Variants in B4GALNT3 observed in about 807,000 individuals in gnomAD.
The protein encoded by B4GALNT3 is beta-1,4-N-acetyl-galactosaminyltransferase 3.
In B4GALNT3, 86 loss-of-function variants were observed where a neutral mutation model predicts 120.2. The observed-to-expected ratio is 0.72, with a 90% CI of 0.60 to 0.86. B4GALNT3 has a LOEUF of 0.86. Among genes scored for constraint, B4GALNT3 ranks in the 40% least tolerant of loss-of-function variants. The pLI is 0.00. For synonymous variants in B4GALNT3, 518 were observed against 510.4 expected (o/e 1.01, Z -0.20); for missense variants, 1,167 against 1,298.9 (o/e 0.90, Z 1.56).
At position 557,603 on chromosome 12, in the gene B4GALNT3, G is replaced by A. The variant is rs756610418; in HGVS notation, c.2381-5G>A. ...TTCCTTCTCCTGCCTGACCCCCTGG[G>A]GTAGTGAAGAACCAGGCACGCTGGG... On this transcript the variant is annotated splice_region_variant and splice_polypyrimidine_tract_variant and intron_variant, in intron 15 of 19. Transcript: ENST00000266383. 6.2e-7 allele frequency: 1 copy of A among 1,607,890 alleles called. No individual in the cohort carries two copies. Among genetic ancestry groups the A allele is most frequent in the Non-Finnish European group, 8.5e-7 (1 of 1,177,930 alleles).
At chr12:484,865 G>C (rs1477746691) in intron 1 of B4GALNT3, among the ~76,000 whole-genome samples, 4 of 151,942 alleles carry the variant, frequency 2.6e-5, no homozygotes, top group Non-Finnish European at 5.9e-5. Context: ...AATGGTCCCA[G>C]ACCTTTCCAG....
In B4GALNT3 at chr12:548,307, C is replaced by G; in HGVS notation, c.853+10C>G. 1 of 1,613,142 alleles carries G rather than the reference C, an allele frequency of 6.2e-7. No homozygotes were observed. Among genetic ancestry groups the G allele is most frequent in the Non-Finnish European group, 8.5e-7 (1 of 1,179,092 alleles). On this transcript the variant is annotated intron_variant, in intron 9 of 19. Coordinates refer to ENST00000266383, the MANE Select transcript of B4GALNT3 (RefSeq NM_173593.4). This position sits in a 1 kb window ranked among gnomAD's most constrained non-coding sequence, Gnocchi z 4.9. ...CTGTCCCTCTTCACAAGTGAGTAGG[C>G]TCTGGCCCTGCCCTGGAGATGGAGG... is the stretch of plus-strand genomic sequence containing the variant.
Position 546,639 on chromosome 12 carries a change from C to G in B4GALNT3, c.640-7C>G. 6.4e-7 allele frequency: 1 copy of G among 1,551,300 alleles called. No individual in the cohort carries two copies. Among genetic ancestry groups the G allele is most frequent in the Non-Finnish European group, 8.7e-7 (1 of 1,146,618 alleles). ...CCTCCCTCCTCTTCTCTCTTCCACA[C>G]CTCTAGACTGGAAAGGAGTGGACCG... On this transcript the variant is annotated splice_polypyrimidine_tract_variant and splice_region_variant and intron_variant, in intron 6 of 19. Coordinates refer to ENST00000266383, the MANE Select transcript of B4GALNT3 (RefSeq NM_173593.4).
chr12:559,989 A>G (rs572865333), intron 19 of B4GALNT3, among the ~76,000 whole-genome samples: 2 of 152,318 alleles, frequency 1.3e-5, no homozygotes, highest in South Asian at 4.1e-4. Flanking sequence ...GCCTCAGAGA[A>G]GAACACAGTA....
At chr12:528,667 G>C (rs1946779434) in intron 1 of B4GALNT3, among the ~76,000 whole-genome samples, 1 of 152,134 alleles carries the variant, frequency 6.6e-6, no homozygotes, top group Non-Finnish European at 1.5e-5. Context: ...TGCCACTTCA[G>C]GTTTCTGGCG....
rs376526732 is a variant in B4GALNT3 at position 558,704 on chromosome 12, A to T, written c.2761+43A>T. On this transcript the variant is annotated intron_variant, in intron 18 of 19. Coordinates refer to ENST00000266383, the MANE Select transcript of B4GALNT3 (RefSeq NM_173593.4). ...TGGGGAGGGAGGAAAGACTTCTCTG[A>T]TCTTGGCTCTTAACTCCAGAGCTGG... 25 of 1,599,268 alleles carry T rather than the reference A, an allele frequency of 1.6e-5. No homozygotes were observed. In the African/African-American group the frequency reaches 2.5e-4, roughly 16 times the overall value.
At chr12:518,603 T>A (rs1441887459) in intron 1 of B4GALNT3, among the ~76,000 whole-genome samples, 1 of 152,120 alleles carries the variant, frequency 6.6e-6, no homozygotes, top group Non-Finnish European at 1.5e-5. Flanking sequence ...TCTGTTGTGT[T>A]GCTCAGCCTG....
chr12:549,281 C>A (rs1947046974), intron 9 of B4GALNT3, among the ~76,000 whole-genome samples: 1 of 152,150 alleles, frequency 6.6e-6, no homozygotes, highest in Admixed American at 6.5e-5. Context: ...GGCCACCCGT[C>A]TGTTGTATGA....
At chr12:461,862 C>T (rs71447489) in intron 1 of B4GALNT3, among the ~76,000 whole-genome samples, 82 of 151,620 alleles carry the variant, frequency 5.4e-4, no homozygotes, top group Non-Finnish European at 4.3e-4. Flanking sequence ...CACTAACTAG[C>T]GGGGGAATCA....
chr12:534,829 C>T lies in B4GALNT3; in HGVS notation c.170-337C>T, dbSNP rs546449771. 9.6e-4 allele frequency among the ~76,000 whole-genome samples: 147 copies of T among 152,338 alleles called. 4 individuals carry two copies. In the South Asian group the frequency reaches 0.028, roughly 29 times the overall value. ...ACCGCCTGTCACGACCATCTCTCCA[C>T]GGCAGCTCTCGGGATAAATTGGCCT... On this transcript the variant is annotated intron_variant, in intron 1 of 19. Transcript: ENST00000266383.
chr12:556,437 G>A (rs1172547721), intron 14 of B4GALNT3, 110 bp from the exon 15 acceptor site: 1 of 1,111,908 alleles, frequency 9.0e-7, no homozygotes, highest in Non-Finnish European at 1.3e-6. Flanking sequence ...GGCAAAGCTA[G>A]GACAAAAACC....
chr12:511,836 TCTTCCAC>T (rs1430734403), intron 1 of B4GALNT3, among the ~76,000 whole-genome samples: 9 of 48,876 alleles, frequency 1.8e-4, no homozygotes, highest in African/African-American at 3.7e-4. Flanking sequence ...CCTTCCACCT[TCTTCCAC>T]CTTCCACCTT....
intron 1 of B4GALNT3, among the ~76,000 whole-genome samples, chr12:534,330 C>T (rs1046410161): frequency 6.6e-6 from 1 of 152,122 alleles, no homozygotes; most frequent in Non-Finnish European, 1.5e-5. Flanking sequence ...ATCCAAAGCC[C>T]AGCAATCTCC....
intron 1 of B4GALNT3, among the ~76,000 whole-genome samples, chr12:511,604 CCTTCGACCTT>C: frequency 7.5e-6 from 1 of 132,768 alleles, no homozygotes; most frequent in Non-Finnish European, 1.7e-5. Flanking sequence ...CCGCCTTCCA[CCTTCGACCTT>C]CTTCCACCTT....
Position 556,956 on chromosome 12 carries a change from A to G in B4GALNT3, c.2380+90A>G, listed in dbSNP as rs1014670868. On this transcript the variant is annotated intron_variant, in intron 15 of 19. Transcript: ENST00000266383. ...CATCTGCTTGCACTGATTTGATCCC[A>G]TAAGCACTTCTGAGAAAGACCACCT... 4.4e-6 allele frequency: 6 copies of G among 1,356,480 alleles called. No individual in the cohort carries two copies. In the Admixed American group the frequency reaches 7.3e-5, roughly 17 times the overall value. 84.0% of individuals were successfully genotyped at this position (1,356,480 alleles called of 1,614,324 possible).
chr12:519,745 C>T (rs1335603795), intron 1 of B4GALNT3, among the ~76,000 whole-genome samples: 2 of 152,050 alleles, frequency 1.3e-5, no homozygotes, highest in South Asian at 2.1e-4. Context: ...CTCTTTCAGC[C>T]GAATCAGGGA....
chr12:552,215 G>C, intron 12 of B4GALNT3, 52 bp downstream of exon 12: 1 of 1,478,600 alleles, frequency 6.8e-7, no homozygotes, highest in Non-Finnish European at 9.5e-7. Context: ...GGCTCTGCGG[G>C]AGCCAGGAGA....
At chr12:535,331 G>A in intron 2 of B4GALNT3, 62 bp downstream of exon 2, 4 of 1,425,826 alleles carry the variant, frequency 2.8e-6, no homozygotes, top group South Asian at 1.2e-5. Context: ...CAGGTGCTCT[G>A]CCCAGTTGCC....
intron 1 of B4GALNT3, among the ~76,000 whole-genome samples, chr12:485,418 T>C (rs1448313114): frequency 1.3e-5 from 2 of 152,254 alleles, no homozygotes; most frequent in Non-Finnish European, 2.9e-5. Flanking sequence ...CTATCTCTAC[T>C]TGGAGTCTGA....
Sources: allele counts gnomAD v4.1 joint callset (sites outside exome capture counted in the v4.1 genomes callset), GRCh38; gene constraint gnomAD v4.1.1; non-coding constraint Gnocchi (gnomAD v3.1); transcripts MANE v1.5; gene names NCBI Gene and HGNC (gene_info 2026-07-23, HGNC 2026-07-21).